Variants in TTPAL observed in about 807,000 individuals in gnomAD.
TTPAL encodes the protein alpha-tocopherol transfer protein-like.
Under a neutral mutation model 28.7 loss-of-function variants are expected in TTPAL, and 21 were observed. The observed-to-expected ratio is 0.73, with a 90% confidence interval of 0.52 to 1.06. TTPAL has a LOEUF of 1.06. Ranked by LOEUF, TTPAL falls within the 50% of genes least tolerant of loss-of-function variation. TTPAL has a pLI of 0.00. For missense variants in TTPAL, 345 were observed against 425.5 expected (o/e 0.81, Z 1.67); for synonymous variants, 169 against 171.9 (o/e 0.98, Z 0.13).
chr20:44,489,810 TTG>T lies in TTPAL; in HGVS notation c.*271_*272del, dbSNP rs2064188448. The T allele has an allele frequency of 2.4e-6, 1 of 410,886 alleles. No homozygotes were observed. The highest frequency in any genetic ancestry group is 3.8e-5 in the South Asian group (1 of 26,230). The allele number at this position is 410,886 out of a possible 1,614,324, so 25.5% of individuals were successfully genotyped here. On this transcript the variant is annotated 3_prime_UTR_variant, in exon 5 of 5. Coordinates refer to ENST00000262605, the MANE Select transcript of TTPAL (RefSeq NM_001039199.3). ...TATTAATCTGGAGGCTATATCTATT[TTG>T]TTTTGCTTTTTGGTTGGGGGGTGGT...
intron 2 of TTPAL, among the ~76,000 whole-genome samples, chr20:44,482,399 CCT>C (rs73624018): frequency 0.014 from 2,084 of 151,282 alleles, 18 homozygotes; most frequent in East Asian, 0.062. Context: ...ACCCCCACCC[CCT>C]GTCTCTACTG....
intron 1 of TTPAL, among the ~76,000 whole-genome samples, chr20:44,476,922 T>C (rs890781464): frequency 1.3e-5 from 2 of 152,172 alleles, no homozygotes; most frequent in African/African-American, 4.8e-5. Context: ...TGGACTGTAA[T>C]TTCTAAAAAA....
chr20:44,487,463 A>T (rs73615403), intron 4 of TTPAL, among the ~76,000 whole-genome samples: 1,836 of 152,106 alleles, frequency 0.012, 16 homozygotes, highest in East Asian at 0.062. Context: ...TCTAAAATAA[A>T]TTTTTTTTAA....
Position 44,484,524 on chromosome 20 carries a change from C to T in TTPAL, c.633C>T (p.Ile211=). The T allele has an allele frequency of 1.3e-6, 2 of 1,571,456 alleles. No homozygotes were observed. Among genetic ancestry groups the T allele is most frequent in the Non-Finnish European group, 1.7e-6 (2 of 1,146,298 alleles). The change falls in exon 3 of 5, where the codon ATC becomes ATT. Residue 211 remains isoleucine, a synonymous_variant. Transcript: ENST00000262605. ...TTATAGCCAAAAAGGTGATTGGCAT[C>T]CTCCAGGTAAGACCCGTATGTGTCC... The part of the protein sequence containing the change: ...GPFIAKKVIG[I]LQDGFPIRIK...
intron 1 of TTPAL, among the ~76,000 whole-genome samples, chr20:44,477,661 A>G (rs958961126): frequency 2.0e-5 from 3 of 151,632 alleles, no homozygotes; most frequent in African/African-American, 7.3e-5. Flanking sequence ...TTATTTATTT[A>G]TTTATTTATC....
intron 3 of TTPAL, among the ~76,000 whole-genome samples, chr20:44,485,193 G>C (rs1037607828): frequency 2.0e-5 from 3 of 152,220 alleles, no homozygotes; most frequent in Admixed American, 1.3e-4. Flanking sequence ...CTGTGGACCT[G>C]AGGGATATGG....
At position 44,493,098 on chromosome 20, in the gene TTPAL, C is replaced by A. The variant is rs891392559; in HGVS notation, c.*3557C>A. On this transcript the variant is annotated 3_prime_UTR_variant, in exon 5 of 5. Transcript: ENST00000262605. ...CGGAGTTTGAGACCAGCCTGGCCAA[C>A]ATGGTGAAACCCCGTCTCTACTAAA... is the stretch of plus-strand genomic sequence containing the variant. 4.6e-5 allele frequency: 7 copies of A among 152,234 alleles called. No homozygotes were observed. The highest frequency in any genetic ancestry group is 7.2e-5 in the African/African-American group (3 of 41,426). 9.4% of individuals were successfully genotyped at this position (152,234 alleles called of 1,614,324 possible).
At position 44,489,568 on chromosome 20, in the gene TTPAL, A is replaced by G; in HGVS notation, c.*27A>G. The G allele has an allele frequency of 6.3e-7, 1 of 1,597,394 alleles. No individual in the cohort carries two copies. Among genetic ancestry groups the G allele is most frequent in the Non-Finnish European group, 8.5e-7 (1 of 1,170,294 alleles). On this transcript the variant is annotated 3_prime_UTR_variant, in exon 5 of 5. Coordinates refer to ENST00000262605, the MANE Select transcript of TTPAL (RefSeq NM_001039199.3). Reference sequence around the variant, plus strand: ...CCGTCCCCCAGGGTCACCATCTTTAATTCTTTTCCTTCTTTTCTTTGGAGA... The same window carrying G: ...CCGTCCCCCAGGGTCACCATCTTTAGTTCTTTTCCTTCTTTTCTTTGGAGA...
chr20:44,480,314 TAGA>T lies in TTPAL; in HGVS notation c.321_323del (p.Arg107del). The T allele has an allele frequency of 1.9e-6, 3 of 1,614,182 alleles. No individual in the cohort carries two copies. Among genetic ancestry groups the T allele is most frequent in the South Asian group, 1.1e-5 (1 of 91,086 alleles). On this transcript the variant is annotated inframe_deletion, in exon 2 of 5. Transcript: ENST00000262605. This position sits in a 1 kb window ranked among gnomAD's most constrained non-coding sequence, Gnocchi z 4.1. ...AGCTCCTCGTCAACTACCACAGCTG[TAGA>T]AGAAGCTGGCCCGAAGTCTTCAATA...
At chr20:44,488,338 T>C (rs1421496694) in intron 4 of TTPAL, among the ~76,000 whole-genome samples, 1 of 152,236 alleles carries the variant, frequency 6.6e-6, no homozygotes, top group Non-Finnish European at 1.5e-5. Flanking sequence ...TTTGGACAGG[T>C]CTTTTACATC....
chr20:44,480,011 A>C lies in TTPAL; in HGVS notation c.12A>C (p.Glu4Asp). MSE[E>D]SDSLRTSPSV... The stretch of plus-strand genomic sequence containing the variant: ...GACCTTGGTAGCTAATGTCCGAAGA[A>C]AGTGACTCTCTGAGAACCAGCCCTT... Residue 4 changes from glutamate (E) to aspartate (D), a missense_variant, in exon 2 of 5, where the codon GAA becomes GAC. Glu to Asp is a conservative substitution (Grantham distance 45). Coordinates refer to ENST00000262605, the MANE Select transcript of TTPAL (RefSeq NM_001039199.3). This position sits in a 1 kb window ranked among gnomAD's most constrained non-coding sequence, Gnocchi z 4.1. 1 of 1,613,040 alleles carries C rather than the reference A, an allele frequency of 6.2e-7. No homozygotes were observed. The highest frequency in any genetic ancestry group is 1.1e-5 in the South Asian group (1 of 91,064).
intron 1 of TTPAL, among the ~76,000 whole-genome samples, chr20:44,476,221 G>T (rs2064041233): frequency 6.6e-6 from 1 of 152,230 alleles, no homozygotes; most frequent in Non-Finnish European, 1.5e-5. Context: ...TTGAGAGGAA[G>T]GGGTGGAAAG....
At chr20:44,483,980 T>C (rs1251781814) in intron 2 of TTPAL, among the ~76,000 whole-genome samples, 3 of 152,068 alleles carry the variant, frequency 2.0e-5, no homozygotes, top group Admixed American at 1.3e-4. Context: ...TTTGTAGACA[T>C]GGGGTTTCGC....
Position 44,489,573 on chromosome 20 carries a change from T to C in TTPAL, c.*32T>C, listed in dbSNP as rs1433888397. The C allele has an allele frequency of 6.3e-7, 1 of 1,587,150 alleles. No homozygotes were observed. On this transcript the variant is annotated 3_prime_UTR_variant, in exon 5 of 5. Transcript: ENST00000262605. The stretch of plus-strand genomic sequence containing the variant: ...CCCCAGGGTCACCATCTTTAATTCT[T>C]TTCCTTCTTTTCTTTGGAGAGGCAC...
chr20:44,482,979 T>G (rs146775346), intron 2 of TTPAL, among the ~76,000 whole-genome samples: 570 of 152,166 alleles, frequency 3.7e-3, no homozygotes, highest in Non-Finnish European at 7.0e-3. Context: ...TGCCTCAGCC[T>G]CCCAAGTAGC....
chr20:44,489,255 C>T lies in TTPAL; in HGVS notation c.751-8C>T, dbSNP rs1482196129. 3 of 1,607,620 alleles carry T rather than the reference C, an allele frequency of 1.9e-6. No individual in the cohort carries two copies. The highest frequency in any genetic ancestry group is 2.6e-6 in the Non-Finnish European group (3 of 1,174,866). On this transcript the variant is annotated splice_polypyrimidine_tract_variant and splice_region_variant and intron_variant, in intron 4 of 4. Coordinates refer to ENST00000262605, the MANE Select transcript of TTPAL (RefSeq NM_001039199.3). Reference sequence around the variant, plus strand: ...GGACATGTGTGTTTTCATTTCATTCCCTTTTAGTTCTTCCTCCATGGGTCT... The same window carrying T: ...GGACATGTGTGTTTTCATTTCATTCTCTTTTAGTTCTTCCTCCATGGGTCT...
At chr20:44,479,500 G>A (rs984930397) in intron 1 of TTPAL, among the ~76,000 whole-genome samples, 4 of 136,636 alleles carry the variant, frequency 2.9e-5, no homozygotes, top group African/African-American at 1.1e-4. Context: ...CCGGGTTCAA[G>A]CAATTATCCT....
At chr20:44,488,145 A>G (rs1474510595) in intron 4 of TTPAL, among the ~76,000 whole-genome samples, 2 of 152,196 alleles carry the variant, frequency 1.3e-5, no homozygotes, top group African/African-American at 2.4e-5. Context: ...CCAGCTCCAG[A>G]TTCCTAGGCT....
rs1355203015 is a variant in TTPAL at position 44,489,721 on chromosome 20, CTCCATGGAA to C, written c.*181_*189del. 29 of 627,602 alleles carry C rather than the reference CTCCATGGAA, an allele frequency of 4.6e-5. No individual in the cohort carries two copies. In the Middle Eastern group the frequency reaches 1.7e-3, roughly 37 times the overall value. The allele number at this position is 627,602 out of a possible 1,614,324, so 38.9% of individuals were successfully genotyped here. A position where few individuals can be genotyped will look rare whatever the true frequency, so the allele number is the denominator to read the frequency against. On this transcript the variant is annotated 3_prime_UTR_variant, in exon 5 of 5. Transcript: ENST00000262605. ...GGTAAGCCTTTGGTTACTTTAATTA[CTCCATGGAA>C]GACATGGAAAATGTCCCCACTGATT... is the stretch of plus-strand genomic sequence containing the variant.
Sources: gnomAD v4.1 joint callset for allele counts (sites outside exome capture counted in the v4.1 genomes callset) on GRCh38, gnomAD v4.1.1 for gene constraint, Gnocchi (gnomAD v3.1) non-coding constraint, MANE v1.5 for transcripts, NCBI Gene and HGNC (gene_info 2026-07-23, HGNC 2026-07-21) for gene names.